ARNT2: variants seen among roughly 807,000 people sequenced by gnomAD.
ARNT2 encodes ARNT protein 2.
In ARNT2, 36 loss-of-function variants were observed where a neutral mutation model predicts 91.7. That is an observed-to-expected ratio of 0.39 (90% confidence interval 0.30 to 0.52). The LOEUF is 0.52. Ranked by LOEUF, ARNT2 falls within the 20% of genes least tolerant of loss-of-function variation. The pLI is 0.72. For synonymous variants in ARNT2, 365 were observed against 347.1 expected (o/e 1.05, Z -0.57); for missense variants, 775 against 939.3 (o/e 0.83, Z 2.29).
chr15:80,531,262 GGAA>G (rs1285836084), intron 8 of ARNT2, among the ~76,000 whole-genome samples: 1 of 152,150 alleles, frequency 6.6e-6, no homozygotes, highest in Non-Finnish European at 1.5e-5. Flanking sequence ...GCAATCCTTG[GGAA>G]GAAATGAAGA....
intron 5 of ARNT2, among the ~76,000 whole-genome samples, chr15:80,502,552 G>A (rs953574389): frequency 2.6e-5 from 4 of 152,158 alleles, no homozygotes; most frequent in African/African-American, 7.2e-5. Context: ...TGGAAGGAGC[G>A]TGTCATGCAG....
chr15:80,424,937 A>C (rs974765371), intron 1 of ARNT2, among the ~76,000 whole-genome samples: 1 of 152,244 alleles, frequency 6.6e-6, no homozygotes, highest in Non-Finnish European at 1.5e-5. Flanking sequence ...AATTTTATCC[A>C]GTTCCTTGTG....
intron 2 of ARNT2, among the ~76,000 whole-genome samples, chr15:80,453,326 C>T (rs1896430810): frequency 6.6e-6 from 1 of 152,112 alleles, no homozygotes; most frequent in Non-Finnish European, 1.5e-5. Context: ...CTTGACCTCT[C>T]TAGGGTGCTT....
intron 5 of ARNT2, among the ~76,000 whole-genome samples, chr15:80,483,064 A>G (rs1896913455): frequency 1.3e-5 from 2 of 152,190 alleles, no homozygotes; most frequent in African/African-American, 2.4e-5. Flanking sequence ...CTCCATGCAC[A>G]TGTTTATTTG....
intron 1 of ARNT2, among the ~76,000 whole-genome samples, chr15:80,439,450 G>A (rs1375791587): frequency 6.6e-6 from 1 of 152,182 alleles, no homozygotes; most frequent in African/African-American, 2.4e-5. Flanking sequence ...GGCAAATAGT[G>A]TAGCTGAAGC....
intron 2 of ARNT2, among the ~76,000 whole-genome samples, chr15:80,453,224 G>T (rs1444959812): frequency 1.3e-5 from 2 of 152,216 alleles, no homozygotes; most frequent in Non-Finnish European, 2.9e-5. Flanking sequence ...GAAACATCAA[G>T]AAAAGCAATG....
At position 80,500,749 on chromosome 15, in the gene ARNT2, T is replaced by G. The variant is rs895411166; in HGVS notation, c.623-7407T>G. Reference sequence around the variant, plus strand: ...GGGACACACAGTAAATATTTAGGATTTGTGGGCCATGTTGTGTTTGTTACA... The same window carrying G: ...GGGACACACAGTAAATATTTAGGATGTGTGGGCCATGTTGTGTTTGTTACA... On this transcript the variant is annotated intron_variant, in intron 5 of 18. Transcript: ENST00000303329. Among the ~76,000 whole-genome samples, 3 of 152,196 alleles carry G rather than the reference T, an allele frequency of 2.0e-5. No homozygotes were observed. The South Asian group carries it at 6.2e-4, about 32-fold the overall frequency.
At chr15:80,486,501 C>T (rs774382775) in intron 5 of ARNT2, among the ~76,000 whole-genome samples, 5 of 152,174 alleles carry the variant, frequency 3.3e-5, no homozygotes, top group Non-Finnish European at 7.3e-5. Context: ...TTGGTGGCCT[C>T]GTTGGTGCCT....
intron 4 of ARNT2, among the ~76,000 whole-genome samples, chr15:80,471,766 C>A (rs1041131171): frequency 2.0e-5 from 3 of 152,098 alleles, no homozygotes; most frequent in South Asian, 4.1e-4. Flanking sequence ...TAATCTGCTG[C>A]TTAGTGGAGG....
intron 17 of ARNT2, among the ~76,000 whole-genome samples, chr15:80,585,183 CT>C (rs1378584353): frequency 1.3e-5 from 2 of 152,184 alleles, no homozygotes; most frequent in African/African-American, 2.4e-5. Context: ...TGTTTCCAGT[CT>C]TAGTATCATT....
chr15:80,424,777 C>CAAA lies in ARNT2; in HGVS notation c.31+20241_31+20243dup, dbSNP rs11403327. 6.2e-4 allele frequency among the ~76,000 whole-genome samples: 91 copies of CAAA among 147,150 alleles called. No homozygotes were observed. The East Asian group carries it at 6.8e-3, about 11-fold the overall frequency. On this transcript the variant is annotated intron_variant, in intron 1 of 18. Transcript: ENST00000303329. ...TACTGTTTTCTTCCAAAACAGCCCT[C>CAAA]AAAAAAAAAAAATAGGTAAACAGAG...
At chr15:80,526,828 A>G (rs994601708) in intron 8 of ARNT2, among the ~76,000 whole-genome samples, 2 of 152,242 alleles carry the variant, frequency 1.3e-5, no homozygotes, top group Non-Finnish European at 2.9e-5. Context: ...CCATGAGCTC[A>G]TCTACAAGAA....
chr15:80,459,584 A>G (rs1314770943), intron 3 of ARNT2, among the ~76,000 whole-genome samples: 1 of 152,180 alleles, frequency 6.6e-6, no homozygotes, highest in African/African-American at 2.4e-5. Flanking sequence ...ATGAGGAGTG[A>G]CGTTTGTTTG....
intron 1 of ARNT2, among the ~76,000 whole-genome samples, chr15:80,442,526 G>A (rs1248919030): frequency 6.6e-6 from 1 of 152,224 alleles, no homozygotes; most frequent in African/African-American, 2.4e-5. Context: ...CTTTGCAAAT[G>A]CTGCTTATAA....
At chr15:80,481,848 C>G (rs766164189) in intron 5 of ARNT2, among the ~76,000 whole-genome samples, 1 of 152,196 alleles carries the variant, frequency 6.6e-6, no homozygotes, top group Admixed American at 6.5e-5. Flanking sequence ...GTCCTTCAGC[C>G]TCATCCTCCC....
chr15:80,424,404 C>G (rs1387135081), intron 1 of ARNT2, among the ~76,000 whole-genome samples: 1 of 152,186 alleles, frequency 6.6e-6, no homozygotes, highest in Non-Finnish European at 1.5e-5. Flanking sequence ...TGTGACATTT[C>G]ATTCCCACTT....
Position 80,425,611 on chromosome 15 carries a change from G to C in ARNT2, c.31+21065G>C, listed in dbSNP as rs554810118. ...TCCAAAAAAATGGGATACATGTGCA[G>C]AATGTGCAGGTTTGTTACATACATA... On this transcript the variant is annotated intron_variant, in intron 1 of 18. Transcript: ENST00000303329. Among the ~76,000 whole-genome samples the C allele has an allele frequency of 2.0e-5, 3 of 152,188 alleles. No homozygotes were observed. In the East Asian group the frequency reaches 5.8e-4, roughly 29 times the overall value.
At chr15:80,569,959 G>A (rs558547184) in intron 12 of ARNT2, among the ~76,000 whole-genome samples, 2 of 152,362 alleles carry the variant, frequency 1.3e-5, no homozygotes, top group Non-Finnish European at 2.9e-5. Context: ...GCCATCATGG[G>A]GAGTTCACTG....
intron 11 of ARNT2, among the ~76,000 whole-genome samples, chr15:80,557,966 G>C (rs1211417020): frequency 6.6e-6 from 1 of 152,208 alleles, no homozygotes; most frequent in Non-Finnish European, 1.5e-5. Context: ...GCTTCATGCT[G>C]TATGTATACC....
Sources: allele counts gnomAD v4.1 joint callset (sites outside exome capture counted in the v4.1 genomes callset), GRCh38; gene constraint gnomAD v4.1.1; transcripts MANE v1.5; gene names NCBI Gene and HGNC (gene_info 2026-07-23, HGNC 2026-07-21).